NUDCD3: variants seen among roughly 807,000 people sequenced by gnomAD.
NUDCD3 encodes nudC domain-containing protein 3.
In NUDCD3, 13 loss-of-function variants were observed where a neutral mutation model predicts 39.7. The observed-to-expected ratio is 0.33, with a 90% CI of 0.21 to 0.52. NUDCD3 has a LOEUF of 0.52. Ranked by LOEUF, NUDCD3 falls within the 20% of genes least tolerant of loss-of-function variation. The pLI is 0.96. For synonymous variants in NUDCD3, 175 were observed against 172.4 expected, an observed-to-expected ratio of 1.02 and a Z score of -0.12; for missense variants, 453 against 458.1, an observed-to-expected ratio of 0.99 and a Z score of 0.10.
intron 3 of NUDCD3, among the ~76,000 whole-genome samples, chr7:44,409,842 A>AT (rs923764582): frequency 1.3e-5 from 2 of 152,118 alleles, no homozygotes; most frequent in Non-Finnish European, 2.9e-5. Flanking sequence ...TATTATTACC[A>AT]TTTTTTTAAG....
intron 2 of NUDCD3, chr7:44,481,534 C>G (rs1800491110): frequency 6.6e-6 from 1 of 152,218 alleles, no homozygotes; most frequent in Non-Finnish European, 1.5e-5. Flanking sequence ...CCTTGACAGC[C>G]ATGCCAAGAT....
chr7:44,462,149 ACACT>A (rs1209500025), intron 2 of NUDCD3, among the ~76,000 whole-genome samples: 1 of 152,194 alleles, frequency 6.6e-6, no homozygotes, highest in South Asian at 2.1e-4. Flanking sequence ...ATGTACACAC[ACACT>A]CTCTCTCTCT....
At position 44,408,495 on chromosome 7, in the gene NUDCD3, T is replaced by TA. The variant is rs1196261444; in HGVS notation, c.643-3913dup. On this transcript the variant is annotated intron_variant, in intron 3 of 5. Transcript: ENST00000355451. ...AAGTATACTATTTTTGATAACAAGA[T>TA]AAAAAAGAAGGGCAGCAAGAACCCT... is the stretch of plus-strand genomic sequence containing the variant. Among the ~76,000 whole-genome samples the TA allele has an allele frequency of 2.0e-5, 3 of 151,904 alleles. No individual in the cohort carries two copies. In the East Asian group the frequency reaches 5.8e-4, roughly 29 times the overall value.
chr7:44,454,021 C>T (rs1015412119), intron 2 of NUDCD3, among the ~76,000 whole-genome samples: 3 of 151,094 alleles, frequency 2.0e-5, no homozygotes, highest in Non-Finnish European at 2.9e-5. Flanking sequence ...CCAACCTGGG[C>T]GACAGAGCAA....
At chr7:44,479,670 T>G (rs559625108) in intron 2 of NUDCD3, among the ~76,000 whole-genome samples, 44 of 152,326 alleles carry the variant, frequency 2.9e-4, no homozygotes, top group African/African-American at 8.4e-4. Context: ...AGTCATCAGA[T>G]ATCAGCAATC....
chr7:44,455,888 T>A (rs1260502791), intron 2 of NUDCD3, among the ~76,000 whole-genome samples: 1 of 148,412 alleles, frequency 6.7e-6, no homozygotes, highest in Admixed American at 6.7e-5. Context: ...TAGCCGGGCG[T>A]AGTGGCGGGC....
At chr7:44,427,758 C>A in intron 2 of NUDCD3, 55 bp from the exon 3 acceptor site, 1 of 1,588,582 alleles carries the variant, frequency 6.3e-7, no homozygotes. Flanking sequence ...CAGAGGACCC[C>A]ATGGGCAGCC....
At chr7:44,480,165 G>A (rs1020831009) in intron 2 of NUDCD3, among the ~76,000 whole-genome samples, 2 of 152,138 alleles carry the variant, frequency 1.3e-5, no homozygotes, top group Non-Finnish European at 2.9e-5. Flanking sequence ...AAAATTCACT[G>A]GTTCAAGAAT....
At position 44,396,127 on chromosome 7, in the gene NUDCD3, T is replaced by G. The variant is rs76982521; in HGVS notation, c.787-3642A>C. Among the ~76,000 whole-genome samples, 41 of 124,666 alleles carry G rather than the reference T, an allele frequency of 3.3e-4. 1 individual carries two copies. In the East Asian group the frequency reaches 3.5e-3, roughly 11 times the overall value. 81.8% of individuals were successfully genotyped at this position (124,666 alleles called of 152,430 possible). ...TGTGTGTGTGTGTGTGTGTGTGTGT[T>G]TAATTACAGCCATCCCACAGGTGTG... is the stretch of plus-strand genomic sequence containing the variant. On this transcript the variant is annotated intron_variant, in intron 4 of 5. Coordinates refer to ENST00000355451, the MANE Select transcript of NUDCD3 (RefSeq NM_015332.4).
At chr7:44,483,630 C>T (rs574007647) in intron 2 of NUDCD3, among the ~76,000 whole-genome samples, 2 of 152,306 alleles carry the variant, frequency 1.3e-5, no homozygotes, top group Admixed American at 1.3e-4. Context: ...TTTCTTCGAA[C>T]TCCATTAGTT....
chr7:44,458,934 T>C (rs906660181), intron 2 of NUDCD3, among the ~76,000 whole-genome samples: 1 of 46,356 alleles, frequency 2.2e-5, no homozygotes, highest in Non-Finnish European at 4.1e-5. Flanking sequence ...AGACGGGGAG[T>C]GCTGTGTGTG....
chr7:44,465,654 C>T (rs531053979), intron 2 of NUDCD3, among the ~76,000 whole-genome samples: 11 of 152,260 alleles, frequency 7.2e-5, no homozygotes, highest in African/African-American at 2.4e-4. Flanking sequence ...TATCTCCTGA[C>T]CGGTACACCA....
At chr7:44,450,213 T>C (rs1364589081) in intron 2 of NUDCD3, among the ~76,000 whole-genome samples, 1 of 151,906 alleles carries the variant, frequency 6.6e-6, no homozygotes. Flanking sequence ...AGTCTCGCTT[T>C]ATCGCCCAGG....
At position 44,416,772 on chromosome 7, in the gene NUDCD3, T is replaced by C. The variant is rs190904186; in HGVS notation, c.642+10799A>G. On this transcript the variant is annotated intron_variant, in intron 3 of 5. Coordinates refer to ENST00000355451, the MANE Select transcript of NUDCD3 (RefSeq NM_015332.4). ...TTCCATCCTTCTATCCTGATACTTA[T>C]AACCAAACTTCACCTTCGACCCTTC... Among the ~76,000 whole-genome samples, 3 of 152,304 alleles carry C rather than the reference T, an allele frequency of 2.0e-5. No individual in the cohort carries two copies. The East Asian group carries it at 5.8e-4, about 29-fold the overall frequency.
intron 4 of NUDCD3, among the ~76,000 whole-genome samples, chr7:44,397,472 C>T (rs372263897): frequency 3.9e-5 from 6 of 152,164 alleles, no homozygotes; most frequent in Non-Finnish European, 7.3e-5. Context: ...TCTCATTTAG[C>T]GCTTGGTGCT....
chr7:44,388,000 C>A (rs992036650), intron 5 of NUDCD3, among the ~76,000 whole-genome samples: 1 of 152,150 alleles, frequency 6.6e-6, no homozygotes, highest in Admixed American at 6.5e-5. Context: ...ATGGGGGAAT[C>A]CTGCTCATAA....
chr7:44,405,135 A>G (rs773369004), intron 3 of NUDCD3, among the ~76,000 whole-genome samples: 17 of 152,070 alleles, frequency 1.1e-4, no homozygotes, highest in South Asian at 2.1e-4. Flanking sequence ...TATGAGACCA[A>G]CTCCTTTGGT....
chr7:44,445,378 T>C (rs1367917809), intron 2 of NUDCD3, among the ~76,000 whole-genome samples: 1 of 152,234 alleles, frequency 6.6e-6, no homozygotes, highest in East Asian at 1.9e-4. Context: ...GGCAGAGACA[T>C]GCACAGTGTG....
chr7:44,387,520 GC>G (rs1365630397), intron 5 of NUDCD3, among the ~76,000 whole-genome samples: 1 of 152,186 alleles, frequency 6.6e-6, no homozygotes, highest in Non-Finnish European at 1.5e-5. Context: ...ACTACATGAA[GC>G]CCCTCTGCAC....
Sources: gnomAD v4.1 joint callset for allele counts (sites outside exome capture counted in the v4.1 genomes callset) on GRCh38, gnomAD v4.1.1 for gene constraint, MANE v1.5 for transcripts, NCBI Gene and HGNC (gene_info 2026-07-23, HGNC 2026-07-21) for gene names.